The following ATP5PF variants were observed in gnomAD, a reference collection of about 807,000 sequenced individuals.
ATP5PF encodes ATP synthase peripheral stalk subunit F6.
ATP5PF carries 7 observed loss-of-function variants against 12.0 expected under a neutral mutation model. The ratio of observed to expected loss-of-function variants is 0.58; its 90% confidence interval spans 0.33 to 1.10. The LOEUF (loss-of-function observed/expected upper bound fraction) is 1.10, where lower values mean the gene tolerates loss of function less well. Among genes scored for constraint, ATP5PF ranks in the 50% least tolerant of loss-of-function variants. ATP5PF has a pLI of 0.03. For synonymous variants in ATP5PF, 41 were observed against 45.4 expected (o/e 0.90, Z 0.39); for missense variants, 120 against 127.7 (o/e 0.94, Z 0.29).
At chr21:25,735,064 G>T, upstream of ATP5PF, 1 of 1,176,876 alleles carries the variant, frequency 8.5e-7, no homozygotes, top group Non-Finnish European at 1.2e-6. Context: ...GGAGGAGGAA[G>T]TGGAGGGTAA....
intron 1 of ATP5PF, 130 bp from the exon 2 acceptor site, chr21:25,729,931 C>A: frequency 9.5e-7 from 1 of 1,055,706 alleles, no homozygotes; most frequent in Admixed American, 2.9e-5. Flanking sequence ...TATACCTGAC[C>A]ACAGTTCCCT....
Position 25,725,231 on chromosome 21 carries a change from A to G in ATP5PF, c.284T>C (p.Phe95Ser). 6.2e-7 allele frequency: 1 copy of G among 1,604,376 alleles called. No individual in the cohort carries two copies. Among genetic ancestry groups the G allele is most frequent in the Non-Finnish European group, 8.5e-7 (1 of 1,177,776 alleles). The change falls in exon 3 of 4, where the codon TTT becomes TCT. Residue 95 changes from phenylalanine to serine, a missense_variant. By Grantham distance (155) the Phe-to-Ser change is radical. Coordinates refer to ENST00000284971, the MANE Select transcript of ATP5PF (RefSeq NM_001003703.2). ...CTGTGATTTATAAGACGTACCTTCA[A>G]ATTTGAAGGTGGGAAATGTATTCAT... ...ADMNTFPTFKFEDPKFEVIEK... is the reference protein window; with the variant it reads ...ADMNTFPTFKSEDPKFEVIEK...
intron 1 of ATP5PF, chr21:25,734,527 T>A: frequency 1.8e-6 from 1 of 548,170 alleles, no homozygotes; most frequent in Non-Finnish European, 2.5e-6. Context: ...CCGGGGCGGG[T>A]AGGCCTGGCC....
Position 25,724,538 on chromosome 21 carries a change from A to C in ATP5PF, c.*102T>G, listed in dbSNP as rs2034566177. 2 of 1,300,772 alleles carry C rather than the reference A, an allele frequency of 1.5e-6. No homozygotes were observed. Among genetic ancestry groups the C allele is most frequent in the Middle Eastern group, 2.5e-4 (1 of 3,996 alleles). The allele number at this position is 1,300,772 out of a possible 1,614,324, so 80.6% of individuals were successfully genotyped here. On this transcript the variant is annotated 3_prime_UTR_variant, in exon 4 of 4. Transcript: ENST00000284971. Reference sequence around the variant, plus strand: ...ATAATTTATTTGGACTCAGAATTAAAAGAACATTTGACAGTTATGAAATGC... The same window carrying C: ...ATAATTTATTTGGACTCAGAATTAACAGAACATTTGACAGTTATGAAATGC...
At chr21:25,729,483 T>G in intron 2 of ATP5PF, 148 bp downstream of exon 2, 1 of 659,502 alleles carries the variant, frequency 1.5e-6, no homozygotes, top group Non-Finnish European at 2.4e-6. Context: ...CCTTATCTTC[T>G]TTTTTGAGGG....
intron 2 of ATP5PF, among the ~76,000 whole-genome samples, chr21:25,728,205 C>A (rs73161766): frequency 6.3e-4 from 96 of 152,228 alleles, no homozygotes; most frequent in South Asian, 2.1e-3. Context: ...CTTCCAATAC[C>A]CTGGTTAAAA....
chr21:25,734,882 T>TCCG lies in ATP5PF; in HGVS notation c.-40_-38dup, dbSNP rs774405638. ...CACTCAGTCCCGAGCTGCCAAAGCC[T>TCCG]CCGCCGCCACCACCTCCGCTCTACT... On this transcript the variant is annotated 5_prime_UTR_variant, in exon 1 of 4. Transcript: ENST00000284971. 2,958 of 1,549,752 alleles carry TCCG rather than the reference T, an allele frequency of 1.9e-3. 6 individuals carry two copies. The highest frequency in any genetic ancestry group is 2.1e-3 in the Non-Finnish European group (2,460 of 1,150,572).
upstream of ATP5PF, chr21:25,735,152 A>G: frequency 1.5e-6 from 1 of 647,900 alleles, no homozygotes; most frequent in Non-Finnish European, 2.8e-6. Context: ...CCCTCCTTGA[A>G]ACCTTGCTCT....
chr21:25,735,455 A>C (rs1040954118), upstream of ATP5PF: 1 of 160,260 alleles, frequency 6.2e-6, no homozygotes, highest in African/African-American at 2.4e-5. Flanking sequence ...CTGGGACCTC[A>C]CACTTCTAGT....
At chr21:25,734,225 G>T (rs1208333037) in intron 1 of ATP5PF, 4 of 693,112 alleles carry the variant, frequency 5.8e-6, no homozygotes, top group Admixed American at 6.3e-5. Flanking sequence ...ATATGATAGC[G>T]TCTGACATGA....
At chr21:25,734,466 C>T in intron 1 of ATP5PF, 1 of 829,838 alleles carries the variant, frequency 1.2e-6, no homozygotes, top group Non-Finnish European at 1.5e-6. Flanking sequence ...CTAATTTTTT[C>T]CCTCTTAATG....
chr21:25,727,146 AAT>A (rs2034639909), intron 2 of ATP5PF, among the ~76,000 whole-genome samples: 1 of 152,228 alleles, frequency 6.6e-6, no homozygotes, highest in Non-Finnish European at 1.5e-5. Flanking sequence ...TTAGAATTTG[AAT>A]AGTCTCATGG....
At chr21:25,727,061 C>T (rs1231310204) in intron 2 of ATP5PF, among the ~76,000 whole-genome samples, 1 of 152,166 alleles carries the variant, frequency 6.6e-6, no homozygotes, top group African/African-American at 2.4e-5. Flanking sequence ...CCATATCTGG[C>T]TATTGAGCAC....
At chr21:25,726,290 T>C (rs1280993295) in intron 2 of ATP5PF, among the ~76,000 whole-genome samples, 7 of 152,156 alleles carry the variant, frequency 4.6e-5, no homozygotes, top group African/African-American at 1.7e-4. Context: ...TTTTGCAATT[T>C]CGAAGAAAAA....
Position 25,725,348 on chromosome 21 carries a change from G to A in ATP5PF, c.167C>T (p.Thr56Ile), listed in dbSNP as rs767606651. 2 of 1,578,528 alleles carry A rather than the reference G, an allele frequency of 1.3e-6. No homozygotes were observed. The highest frequency in any genetic ancestry group is 1.7e-6 in the Non-Finnish European group (2 of 1,169,362). Residue 56 changes from threonine (T) to isoleucine (I), a missense_variant and splice_region_variant, in exon 3 of 4, where the codon ACA becomes ATA. Physicochemically the swap from Thr to Ile is moderately conservative, Grantham distance 89. Coordinates refer to ENST00000284971, the MANE Select transcript of ATP5PF (RefSeq NM_001003703.2). ...ACTAGCATCAACAGGTCCTCCAGAT[G>A]TCCTGTTAAGTAAATGAGCAAACAA... ...KIREYKSKRQTSGGPVDASSE... is the reference protein window; with the variant it reads ...KIREYKSKRQISGGPVDASSE...
At chr21:25,730,122 T>C (rs57532146) in intron 1 of ATP5PF, among the ~76,000 whole-genome samples, 4,812 of 152,266 alleles carry the variant, frequency 0.032, 229 homozygotes, top group African/African-American at 0.11. Flanking sequence ...GGTAGACTGT[T>C]GCAACACTGT....
At chr21:25,732,009 G>C (rs1381303515) in intron 1 of ATP5PF, among the ~76,000 whole-genome samples, 1 of 152,174 alleles carries the variant, frequency 6.6e-6, no homozygotes, top group Non-Finnish European at 1.5e-5. Flanking sequence ...GTATTCAAAA[G>C]TGTCCACAGG....
chr21:25,730,736 C>CAAAAAAAA lies in ATP5PF; in HGVS notation c.-7-943_-7-936dup, dbSNP rs71183508. ...GCAACAAGAGCAAGACTCCGTCTCACAAAAAAAAAAAAAAAAAAAAAAAAA... is the reference window on the plus strand; with the variant it reads ...GCAACAAGAGCAAGACTCCGTCTCACAAAAAAAAAAAAAAAAAAAAAAAAAAAAAAAAA... On this transcript the variant is annotated intron_variant, in intron 1 of 3. Coordinates refer to ENST00000284971, the MANE Select transcript of ATP5PF (RefSeq NM_001003703.2). Among the ~76,000 whole-genome samples, 194 of 31,862 alleles carry CAAAAAAAA rather than the reference C, an allele frequency of 6.1e-3. 22 individuals carry two copies. The highest frequency in any genetic ancestry group is 9.0e-3 in the Non-Finnish European group (129 of 14,360). The allele number at this position is 31,862 out of a possible 152,430, so 20.9% of individuals were successfully genotyped here.
chr21:25,725,393 G>T, intron 2 of ATP5PF, 43 bp from the exon 3 acceptor site: 1 of 1,511,132 alleles, frequency 6.6e-7, no homozygotes, highest in Non-Finnish European at 8.8e-7. Context: ...TTGTGTACTA[G>T]CTTACAAAAA....
Sources: gnomAD v4.1 joint callset for allele counts (sites outside exome capture counted in the v4.1 genomes callset) on GRCh38, gnomAD v4.1.1 for gene constraint, MANE v1.5 for transcripts, NCBI Gene and HGNC (gene_info 2026-07-23, HGNC 2026-07-21) for gene names.